CSE1L: variants seen among roughly 807,000 people sequenced by gnomAD.
CSE1L encodes exportin-2.
CSE1L carries 24 observed loss-of-function variants against 120.4 expected under a neutral mutation model. The observed-to-expected ratio is 0.20, with a 90% CI of 0.14 to 0.28. The LOEUF (loss-of-function observed/expected upper bound fraction) is 0.28. Among genes scored for constraint, CSE1L ranks in the 10% least tolerant of loss-of-function variants. The pLI is 1.00. For synonymous variants in CSE1L, 402 were observed against 398.3 expected, an observed-to-expected ratio of 1.01 and a Z score of -0.11; for missense variants, 830 against 1,145.2, an observed-to-expected ratio of 0.72 and a Z score of 3.97.
intron 23 of CSE1L, among the ~76,000 whole-genome samples, 192 bp from the exon 24 acceptor site, chr20:49,094,540 A>C (rs1162174408): frequency 6.6e-6 from 1 of 152,200 alleles, no homozygotes; most frequent in Non-Finnish European, 1.5e-5. Context: ...TTTATGACAG[A>C]AGCCCAACTA....
In CSE1L at chr20:49,092,142, A is replaced by C. The variant is rs774866398; in HGVS notation, c.2447+15A>C. The C allele has an allele frequency of 6.9e-7, 1 of 1,446,324 alleles. No homozygotes were observed. The allele number at this position is 1,446,324 out of a possible 1,614,324, so 89.6% of individuals were successfully genotyped here. ...ATACAACCAAAGTAAGTTTGTTTTT[A>C]TTATTTTTTAAAGGAAGAAAATGTT... On this transcript the variant is annotated intron_variant, in intron 22 of 24. Transcript: ENST00000262982.
At chr20:49,072,032 T>C (rs1349332812) in intron 8 of CSE1L, among the ~76,000 whole-genome samples, 1 of 150,872 alleles carries the variant, frequency 6.6e-6, no homozygotes, top group Non-Finnish European at 1.5e-5. Flanking sequence ...TCCCAGAGGG[T>C]TGGGATTACC....
At chr20:49,085,562 A>ATTTTTTTTTTTTTTTTTTTTTT (rs11471947) in intron 16 of CSE1L, among the ~76,000 whole-genome samples, 176 bp downstream of exon 16, 2 of 80,202 alleles carry the variant, frequency 2.5e-5, no homozygotes, top group Non-Finnish European at 4.8e-5. Flanking sequence ...ACTAACAATA[A>ATTTTTTTTTTTTTTTTTTTTTT]TTTTTTTTTT....
At position 49,074,838 on chromosome 20, in the gene CSE1L, T is replaced by A; in HGVS notation, c.1120T>A (p.Leu374Met). Reference sequence around the variant, plus strand: ...TTCTGAGGAGTACATAAGGAGAGATTTGGAAGGATCTGGTGTGTATCTTGG... The same window carrying A: ...TTCTGAGGAGTACATAAGGAGAGATATGGAAGGATCTGGTGTGTATCTTGG... ...DNSEEYIRRD[L>M]EGSDIDTRRR... The change falls in exon 11 of 25, where the codon TTG (leucine) becomes ATG (methionine). Residue 374 changes from leucine to methionine, a missense_variant. Coordinates refer to ENST00000262982, the MANE Select transcript of CSE1L (RefSeq NM_001316.4). 9 of 1,612,668 alleles carry A rather than the reference T, an allele frequency of 5.6e-6. No individual in the cohort carries two copies. The highest frequency in any genetic ancestry group is 1.1e-5 in the South Asian group (1 of 90,822).
At chr20:49,048,733 A>G (rs540222154) in intron 1 of CSE1L, among the ~76,000 whole-genome samples, 15 of 152,348 alleles carry the variant, frequency 9.8e-5, no homozygotes, top group African/African-American at 3.6e-4. Flanking sequence ...AGGCAATGTA[A>G]GGAGTTTGGA....
chr20:49,058,410 T>G, intron 1 of CSE1L, 43 bp from the exon 2 acceptor site: 1 of 1,354,108 alleles, frequency 7.4e-7, no homozygotes, highest in Non-Finnish European at 1.0e-6. Flanking sequence ...AAATCACTTT[T>G]TCCGTAAGTG....
intron 1 of CSE1L, among the ~76,000 whole-genome samples, chr20:49,055,482 C>T (rs767377355): frequency 2.6e-5 from 4 of 151,940 alleles, no homozygotes; most frequent in Admixed American, 6.6e-5. Context: ...TTTGGGATGC[C>T]GAGGCAGGAA....
At chr20:49,085,469 A>G in intron 16 of CSE1L, 83 bp downstream of exon 16, 3 of 883,618 alleles carry the variant, frequency 3.4e-6, no homozygotes, top group Non-Finnish European at 5.5e-6. Context: ...ACTTCAGGTT[A>G]TACAGTCTAT....
At chr20:49,046,662 G>A (rs1202828170) in intron 1 of CSE1L, among the ~76,000 whole-genome samples, 3 of 152,374 alleles carry the variant, frequency 2.0e-5, no homozygotes, top group East Asian at 3.9e-4. Context: ...CGACCCCAGG[G>A]CCTGTGAGGG....
At chr20:49,083,888 G>A in intron 14 of CSE1L, 138 bp from the exon 15 acceptor site, 1 of 813,152 alleles carries the variant, frequency 1.2e-6, no homozygotes, top group African/African-American at 1.7e-5. Context: ...TGGTTTCTGG[G>A]CAGCAGCATC....
In CSE1L at chr20:49,075,473, G is replaced by A. The variant is rs749628440; in HGVS notation, c.1288G>A (p.Ala430Thr). Reference sequence around the variant, plus strand: ...TGTCAACTGGAAACACAAAGATGCAGCCATCTACCTAGTGACATCTTTGGC... The same window carrying A: ...TGTCAACTGGAAACACAAAGATGCAACCATCTACCTAGTGACATCTTTGGC... ...PSVNWKHKDA[A>T]IYLVTSLASK... is the part of the protein sequence containing the mutation. Residue 430 changes from alanine (A) to threonine (T), a missense_variant, in exon 12 of 25, where the codon GCC becomes ACC. Coordinates refer to ENST00000262982, the MANE Select transcript of CSE1L (RefSeq NM_001316.4). The A allele has an allele frequency of 2.5e-6, 4 of 1,614,080 alleles. No homozygotes were observed. Among genetic ancestry groups the A allele is most frequent in the Admixed American group, 3.3e-5 (2 of 60,008 alleles).
chr20:49,066,296 A>G lies in CSE1L; in HGVS notation c.330+3A>G, dbSNP rs1441605319. ...GCCCAGAGCAAATTCAGAAGCAGGT[A>G]ATGTCGCTCCACTTTTTAGATGGGC... On this transcript the variant is annotated splice_donor_region_variant and intron_variant, in intron 4 of 24. Transcript: ENST00000262982. The G allele has an allele frequency of 6.2e-7, 1 of 1,614,160 alleles. No homozygotes were observed. The highest frequency in any genetic ancestry group is 1.1e-5 in the South Asian group (1 of 91,086).
At position 49,090,660 on chromosome 20, in the gene CSE1L, T is replaced by A. The variant is rs1600550079; in HGVS notation, c.2182-82T>A. Reference sequence around the variant, plus strand: ...GGATAGATTATTACAGTATGAACTCTGTTTTAAGACATATATCATGTTTAA... The same window carrying A: ...GGATAGATTATTACAGTATGAACTCAGTTTTAAGACATATATCATGTTTAA... On this transcript the variant is annotated intron_variant, in intron 19 of 24. Coordinates refer to ENST00000262982, the MANE Select transcript of CSE1L (RefSeq NM_001316.4). 5 of 1,019,122 alleles carry A rather than the reference T, an allele frequency of 4.9e-6. No individual in the cohort carries two copies. The East Asian group carries it at 7.1e-5, about 15-fold the overall frequency. The allele number at this position is 1,019,122 out of a possible 1,614,324, so 63.1% of individuals were successfully genotyped here.
chr20:49,064,042 C>T (rs1482616690), intron 3 of CSE1L, among the ~76,000 whole-genome samples: 1 of 152,106 alleles, frequency 6.6e-6, no homozygotes, highest in Non-Finnish European at 1.5e-5. Context: ...CACCAGGGGA[C>T]ATTTGGCAGT....
chr20:49,072,497 C>T (rs1323599442), intron 9 of CSE1L, 44 bp downstream of exon 9: 2 of 1,607,748 alleles, frequency 1.2e-6, no homozygotes, highest in East Asian at 2.2e-5. Flanking sequence ...CATTCTCTCC[C>T]TATCTCCTCC....
At chr20:49,053,166 TTTTTTA>T in intron 1 of CSE1L, among the ~76,000 whole-genome samples, 1 of 117,262 alleles carries the variant, frequency 8.5e-6, no homozygotes, top group Non-Finnish European at 1.8e-5. Context: ...TTTTTTTTTT[TTTTTTA>T]AAGACAAAAT....
At chr20:49,074,117 G>A (rs922407461) in intron 10 of CSE1L, among the ~76,000 whole-genome samples, 1 of 151,468 alleles carries the variant, frequency 6.6e-6, no homozygotes, top group African/African-American at 2.4e-5. Flanking sequence ...CAGCTTAGGT[G>A]GGAGTTTTGC....
chr20:49,058,529 T>G lies in CSE1L; in HGVS notation c.66T>G (p.Asp22Glu), dbSNP rs2091826835. Residue 22 changes from aspartate to glutamate, a missense_variant, in exon 2 of 25, where the codon GAT becomes GAG. Physicochemically the swap from Asp to Glu is conservative, Grantham distance 45. Transcript: ENST00000262982. ...TEYLKKTLDPDPAIRRPAEKF... is the reference protein window; with the variant it reads ...TEYLKKTLDPEPAIRRPAEKF... The stretch of plus-strand genomic sequence containing the variant: ...ATTTAAAGAAAACACTTGATCCTGA[T>G]CCTGCCATCCGACGTCCAGGTAAAG... The G allele has an allele frequency of 6.2e-7, 1 of 1,613,608 alleles. No homozygotes were observed. The highest frequency in any genetic ancestry group is 2.2e-5 in the East Asian group (1 of 44,856).
At position 49,058,282 on chromosome 20, in the gene CSE1L, G is replaced by A. The variant is rs368775929; in HGVS notation, c.-11-171G>A. Among the ~76,000 whole-genome samples, 6 of 151,874 alleles carry A rather than the reference G, an allele frequency of 4.0e-5. 1 individual carries two copies. The highest frequency in any genetic ancestry group is 1.5e-4 in the African/African-American group (6 of 41,358). ...CTCACTATTGTTTTTGGGGGAAAAG[G>A]CACATCTCATTTGCTGGACTCTTGT... is the stretch of plus-strand genomic sequence containing the variant. On this transcript the variant is annotated intron_variant, in intron 1 of 24. Coordinates refer to ENST00000262982, the MANE Select transcript of CSE1L (RefSeq NM_001316.4).
Sources: allele counts gnomAD v4.1 joint callset (sites outside exome capture counted in the v4.1 genomes callset), GRCh38; gene constraint gnomAD v4.1.1; transcripts MANE v1.5; gene names NCBI Gene and HGNC (gene_info 2026-07-23, HGNC 2026-07-21).